NQO2: variants seen among roughly 807,000 people sequenced by gnomAD.
NQO2 encodes the protein N-ribosyldihydronicotinamide:quinone dehydrogenase 2.
In NQO2, 18 loss-of-function variants were observed where a neutral mutation model predicts 22.0. The ratio of observed to expected loss-of-function variants is 0.82; its 90% CI spans 0.56 to 1.21. The LOEUF is 1.21. NQO2 is among the 50% of genes most tolerant of loss of function. The pLI, the probability that NQO2 is intolerant of heterozygous loss-of-function variation, is 0.00. For missense variants in NQO2, 267 were observed against 286.9 expected (o/e 0.93, Z 0.50); for synonymous variants, 106 against 110.8 (o/e 0.96, Z 0.28).
Position 3,006,702 on chromosome 6 carries a change from A to G in NQO2, c.7+143A>G. Reference sequence around the variant, plus strand: ...GGTGGGAGTTAGACTCTTAATCAGAAATTGGATACATTGTTGTAAAAAATC... The same window carrying G: ...GGTGGGAGTTAGACTCTTAATCAGAGATTGGATACATTGTTGTAAAAAATC... On this transcript the variant is annotated intron_variant, in intron 2 of 6. Transcript: ENST00000380455. This position sits in a 1 kb window ranked among gnomAD's most constrained non-coding sequence, Gnocchi z 4.0. The G allele has an allele frequency of 1.3e-6, 1 of 752,406 alleles. No homozygotes were observed. 46.6% of individuals were successfully genotyped at this position (752,406 alleles called of 1,614,324 possible).
intron 6 of NQO2, among the ~76,000 whole-genome samples, chr6:3,019,079 TTTTCA>T (rs1445861465): frequency 1.3e-5 from 2 of 152,210 alleles, no homozygotes; most frequent in Non-Finnish European, 2.9e-5. Flanking sequence ...TTGTTTGTTA[TTTTCA>T]TTTAACAGAT....
chr6:3,005,723 C>T lies in NQO2; in HGVS notation c.-85-745C>T, dbSNP rs28383609. The T allele has an allele frequency of 1.5e-3, 1,506 of 985,288 alleles. 18 individuals carry two copies. In the African/African-American group the frequency reaches 0.025, roughly 16 times the overall value. The allele number at this position is 985,288 out of a possible 1,614,324, so 61.0% of individuals were successfully genotyped here. A position where few individuals can be genotyped will look rare whatever the true frequency, so the allele number is the denominator to read the frequency against. On this transcript the variant is annotated intron_variant, in intron 1 of 6. Coordinates refer to ENST00000380455, the MANE Select transcript of NQO2 (RefSeq NM_000904.6). ...CCAGGAGGGGGTGAGGCCAAAGGCT[C>T]CCCTGGGGAGAACTCACGTTTTTCC...
intron 2 of NQO2, among the ~76,000 whole-genome samples, chr6:3,009,518 C>T (rs58943922): frequency 0.054 from 8,177 of 152,240 alleles, 447 homozygotes; most frequent in African/African-American, 0.14. Context: ...AAAGTAAAGA[C>T]AAGCATAGGA....
chr6:3,019,354 A>C (rs1439569406), intron 6 of NQO2, 125 bp from the exon 7 acceptor site: 1 of 1,446,438 alleles, frequency 6.9e-7, no homozygotes, highest in Non-Finnish European at 9.1e-7. Flanking sequence ...TGCCTGTAAC[A>C]TTAAGGTTGT....
chr6:3,005,571 T>G (rs1271347193), intron 1 of NQO2: 24 of 861,654 alleles, frequency 2.8e-5, no homozygotes, highest in Non-Finnish European at 3.3e-5. Flanking sequence ...CTTCTGCCCA[T>G]TTTTGCATTG....
intron 6 of NQO2, among the ~76,000 whole-genome samples, chr6:3,018,857 G>T (rs1757430398): frequency 6.8e-6 from 1 of 146,396 alleles, no homozygotes; most frequent in African/African-American, 2.6e-5. Context: ...GTTTGCAGAA[G>T]TACATATTAT....
chr6:3,017,384 G>A (rs1220694634), intron 6 of NQO2, among the ~76,000 whole-genome samples: 1 of 152,174 alleles, frequency 6.6e-6, no homozygotes, highest in Non-Finnish European at 1.5e-5. Context: ...AGTGCTTGGT[G>A]AGGGCAGCAC....
intron 1 of NQO2, among the ~76,000 whole-genome samples, chr6:3,001,029 G>A (rs890246187): frequency 2.6e-5 from 4 of 151,158 alleles, no homozygotes; most frequent in Admixed American, 6.6e-5. Context: ...TTTTAGTACA[G>A]GTGGGAGTTT....
At position 3,016,904 on chromosome 6, in the gene NQO2, C is replaced by T. The variant is rs1130428; in HGVS notation, c.438C>T (p.Ser146=). 0.032 allele frequency: 52,336 copies of T among 1,612,458 alleles called. 944 individuals are homozygous for T. The highest frequency in any genetic ancestry group is 0.056 in the African/African-American group (4,191 of 74,514). The change falls in exon 6 of 7, where the codon TCC becomes TCT. Residue 146 remains serine (S), a synonymous_variant. Coordinates refer to ENST00000380455, the MANE Select transcript of NQO2 (RefSeq NM_000904.6). ...GLLQGKLALL[S]VTTGGTAEMY... The stretch of plus-strand genomic sequence containing the variant: ...TGCAGGGTAAACTAGCGCTCCTTTC[C>T]GTAACCACGGGAGGCACGGCCGAGA...
At chr6:3,008,571 A>G (rs558180375) in intron 2 of NQO2, among the ~76,000 whole-genome samples, 1 of 152,324 alleles carries the variant, frequency 6.6e-6, no homozygotes, top group African/African-American at 2.4e-5. Context: ...CCAACATGGC[A>G]AAATCCCATC....
intron 1 of NQO2, among the ~76,000 whole-genome samples, chr6:3,003,118 C>T (rs1230060153): frequency 1.3e-5 from 2 of 152,216 alleles, no homozygotes; most frequent in Non-Finnish European, 1.5e-5. Context: ...AGTGACTGTC[C>T]ACCAGGGCAC....
chr6:3,018,564 G>A (rs1204347016), intron 6 of NQO2, among the ~76,000 whole-genome samples: 1 of 152,138 alleles, frequency 6.6e-6, no homozygotes, highest in African/African-American at 2.4e-5. Flanking sequence ...AAAAAAATGT[G>A]GATAGTGGTG....
chr6:3,015,029 G>A (rs1383775670), intron 4 of NQO2: 10 of 1,161,506 alleles, frequency 8.6e-6, no homozygotes, highest in South Asian at 6.4e-5. Context: ...TGGATGTAAT[G>A]TTAGGGCATC....
At chr6:3,017,346 G>A (rs1885298) in intron 6 of NQO2, among the ~76,000 whole-genome samples, 1 of 152,040 alleles carries the variant, frequency 6.6e-6, no homozygotes, top group African/African-American at 2.4e-5. Flanking sequence ...TGATACGTGC[G>A]GGTGGAGGCC....
At chr6:3,005,026 C>T (rs1756895201) in intron 1 of NQO2, among the ~76,000 whole-genome samples, 1 of 152,090 alleles carries the variant, frequency 6.6e-6, no homozygotes. Flanking sequence ...GACTCCTGAC[C>T]TCAGGTAATC....
rs192378096 is a variant in NQO2 at position 3,002,561 on chromosome 6, C to T, written c.-86+2476C>T. 1.6e-4 allele frequency among the ~76,000 whole-genome samples: 24 copies of T among 152,222 alleles called. No individual in the cohort carries two copies. In the East Asian group the frequency reaches 3.1e-3, roughly 20 times the overall value. ...CTGACCTCAGGTGATCCCCCCACCT[C>T]GGCCCCCCAAAATGCTGGGATTACA... On this transcript the variant is annotated intron_variant, in intron 1 of 6. Coordinates refer to ENST00000380455, the MANE Select transcript of NQO2 (RefSeq NM_000904.6).
chr6:3,012,127 G>C (rs901012125), intron 3 of NQO2, among the ~76,000 whole-genome samples: 2 of 152,152 alleles, frequency 1.3e-5, no homozygotes, highest in African/African-American at 4.8e-5. Flanking sequence ...CCAAAGATAA[G>C]CAATATAAAA....
chr6:3,015,536 C>A lies in NQO2; in HGVS notation c.310C>A (p.Leu104Met). The A allele has an allele frequency of 6.2e-7, 1 of 1,614,044 alleles. No homozygotes were observed. Among genetic ancestry groups the A allele is most frequent in the Non-Finnish European group, 8.5e-7 (1 of 1,179,986 alleles). ...TTGGTGTTGCCGCCCACAGTTCCCGCTGTACTGGTTCAGCGTGCCAGCCAT... is the reference window on the plus strand; with the variant it reads ...TTGGTGTTGCCGCCCACAGTTCCCGATGTACTGGTTCAGCGTGCCAGCCAT... ...EADLVIFQFP[L>M]YWFSVPAILK... The change falls in exon 5 of 7, where the codon CTG becomes ATG. Residue 104 changes from leucine to methionine, a missense_variant. Physicochemically the swap from Leu to Met is conservative, Grantham distance 15. Coordinates refer to ENST00000380455, the MANE Select transcript of NQO2 (RefSeq NM_000904.6).
chr6:3,010,456 C>T (rs1054458758), intron 3 of NQO2, among the ~76,000 whole-genome samples: 1 of 151,940 alleles, frequency 6.6e-6, no homozygotes, highest in Non-Finnish European at 1.5e-5. Context: ...CCCCTCCCCA[C>T]AAACTACCCA....
Sources: gnomAD v4.1 joint callset for allele counts (sites outside exome capture counted in the v4.1 genomes callset) on GRCh38, gnomAD v4.1.1 for gene constraint, Gnocchi (gnomAD v3.1) non-coding constraint, MANE v1.5 for transcripts, NCBI Gene and HGNC (gene_info 2026-07-23, HGNC 2026-07-21) for gene names.